The following RPH3A variants were observed in gnomAD, a reference collection of about 807,000 sequenced individuals.
The protein encoded by RPH3A is rabphilin-3A.
Under a neutral mutation model 102.2 loss-of-function variants are expected in RPH3A, and 48 were observed. The observed-to-expected ratio is 0.47, with a 90% CI of 0.37 to 0.60. The LOEUF is 0.60. Among genes scored for constraint, RPH3A ranks in the 20% least tolerant of loss-of-function variants. RPH3A has a pLI of 0.00. For synonymous variants in RPH3A, 310 were observed against 324.3 expected (o/e 0.96, Z 0.47); for missense variants, 781 against 910.1 (o/e 0.86, Z 1.83).
At chr12:112,601,627 A>G (rs2039560305) in intron 1 of RPH3A, among the ~76,000 whole-genome samples, 1 of 152,214 alleles carries the variant, frequency 6.6e-6, no homozygotes, top group Admixed American at 6.5e-5. Context: ...AGGGATAAAC[A>G]TTATACAAGT....
chr12:112,594,877 G>C (rs1291230239), intron 1 of RPH3A, among the ~76,000 whole-genome samples: 1 of 152,182 alleles, frequency 6.6e-6, no homozygotes, highest in South Asian at 2.1e-4. Context: ...TATATTCCAG[G>C]CATTGTGTTC....
At chr12:112,724,850 TC>T (rs902886512) in intron 1 of RPH3A, among the ~76,000 whole-genome samples, 19 of 152,070 alleles carry the variant, frequency 1.2e-4, no homozygotes, top group Non-Finnish European at 1.5e-5. Flanking sequence ...ACGCCTGTAG[TC>T]CCAGCTACTA....
chr12:112,646,250 T>C (rs2039929391), intron 1 of RPH3A, among the ~76,000 whole-genome samples: 1 of 152,206 alleles, frequency 6.6e-6, no homozygotes, highest in Non-Finnish European at 1.5e-5. Context: ...ATTAATTCAG[T>C]GCCTTGACAA....
chr12:112,856,183 C>A (rs1050408393), intron 5 of RPH3A, among the ~76,000 whole-genome samples: 1 of 152,210 alleles, frequency 6.6e-6, no homozygotes, highest in Non-Finnish European at 1.5e-5. Flanking sequence ...CTGCTGCACA[C>A]CACATGAAGC....
At chr12:112,851,623 G>A (rs2042324359) in intron 5 of RPH3A, among the ~76,000 whole-genome samples, 1 of 152,144 alleles carries the variant, frequency 6.6e-6, no homozygotes, top group Non-Finnish European at 1.5e-5. Flanking sequence ...GGAGCCCCAG[G>A]CCATGCGCAG....
chr12:112,897,658 C>G lies in RPH3A; in HGVS notation c.*878C>G, dbSNP rs1036845165. 2 of 152,470 alleles carry G rather than the reference C, an allele frequency of 1.3e-5. No homozygotes were observed. The highest frequency in any genetic ancestry group is 4.8e-5 in the African/African-American group (2 of 41,462). The allele number at this position is 152,470 out of a possible 1,614,324, so 9.4% of individuals were successfully genotyped here. On this transcript the variant is annotated 3_prime_UTR_variant, in exon 22 of 22. Coordinates refer to ENST00000389385, the MANE Select transcript of RPH3A (RefSeq NM_001143854.2). ...GTGTATGTTAACCTAGCCTCACCCCCTTGCTCTCACCAGCCTGACCAGGAA... is the reference window on the plus strand; with the variant it reads ...GTGTATGTTAACCTAGCCTCACCCCGTTGCTCTCACCAGCCTGACCAGGAA...
At chr12:112,895,058 A>G (rs866222182) in intron 20 of RPH3A, among the ~76,000 whole-genome samples, 1 of 152,178 alleles carries the variant, frequency 6.6e-6, no homozygotes, top group Non-Finnish European at 1.5e-5. Context: ...TTTAAAAATC[A>G]GATTGTCTGG....
At chr12:112,681,513 G>A (rs1566256746) in intron 1 of RPH3A, among the ~76,000 whole-genome samples, 1 of 152,204 alleles carries the variant, frequency 6.6e-6, no homozygotes, top group African/African-American at 2.4e-5. Context: ...GACTGGCTGT[G>A]TTTCTACTGT....
intron 1 of RPH3A, among the ~76,000 whole-genome samples, chr12:112,785,571 A>G (rs913768087): frequency 3.9e-5 from 6 of 152,194 alleles, no homozygotes; most frequent in African/African-American, 1.4e-4. Context: ...GATAATGAAT[A>G]AAGATGACAG....
In RPH3A at chr12:112,875,748, A is replaced by G. The variant is rs778375645; in HGVS notation, c.946+7A>G. On this transcript the variant is annotated splice_region_variant and intron_variant, in intron 12 of 21. Transcript: ENST00000389385. ...TTTCCAGATCAGAAGCCAGGCAAGT[A>G]TCTGCTTCCTCCCATGCCTGCCCAA... 3 of 1,613,516 alleles carry G rather than the reference A, an allele frequency of 1.9e-6. No individual in the cohort carries two copies. Among genetic ancestry groups the G allele is most frequent in the East Asian group, 4.5e-5 (2 of 44,836 alleles).
chr12:112,599,297 A>G (rs1333070580), intron 1 of RPH3A, among the ~76,000 whole-genome samples: 1 of 152,234 alleles, frequency 6.6e-6, no homozygotes, highest in Non-Finnish European at 1.5e-5. Flanking sequence ...TTTGCATCCT[A>G]GAAAGAAGTT....
chr12:112,827,795 G>A (rs2041904280), intron 2 of RPH3A, among the ~76,000 whole-genome samples: 1 of 151,932 alleles, frequency 6.6e-6, no homozygotes, highest in Admixed American at 6.6e-5. Context: ...AATACCTAAT[G>A]TAGATGATGG....
At chr12:112,684,416 G>A (rs1004490881) in intron 1 of RPH3A, among the ~76,000 whole-genome samples, 2 of 151,780 alleles carry the variant, frequency 1.3e-5, no homozygotes, top group Non-Finnish European at 2.9e-5. Context: ...CTGCTACCAT[G>A]CACAGCCAAT....
intron 2 of RPH3A, among the ~76,000 whole-genome samples, chr12:112,821,265 CCAACAGCCTGGAAAATAGT>C (rs1333823859): frequency 6.6e-6 from 1 of 152,148 alleles, no homozygotes; most frequent in East Asian, 1.9e-4. Context: ...TGTAGAAATC[CCAACAGCCTGGAAAATAGT>C]CAACTCTGGA....
intron 2 of RPH3A, among the ~76,000 whole-genome samples, chr12:112,822,582 G>A (rs1426493314): frequency 6.6e-6 from 1 of 151,950 alleles, no homozygotes; most frequent in Non-Finnish European, 1.5e-5. Flanking sequence ...CTGGAATCTG[G>A]GTTACCTGGG....
chr12:112,756,232 A>G (rs1271078398), intron 1 of RPH3A, among the ~76,000 whole-genome samples: 1 of 149,762 alleles, frequency 6.7e-6, no homozygotes, highest in Non-Finnish European at 1.5e-5. Flanking sequence ...TTTTTTTTTG[A>G]GATGGAGTTT....
intron 1 of RPH3A, among the ~76,000 whole-genome samples, chr12:112,605,219 A>G (rs1219421135): frequency 2.0e-5 from 3 of 152,130 alleles, no homozygotes; most frequent in Non-Finnish European, 4.4e-5. Context: ...TACCAAAAAT[A>G]CAAACATTAG....
At chr12:112,735,967 T>C (rs1488116665) in intron 1 of RPH3A, among the ~76,000 whole-genome samples, 1 of 152,244 alleles carries the variant, frequency 6.6e-6, no homozygotes, top group Non-Finnish European at 1.5e-5. Context: ...AGACATGTTC[T>C]CTAAACGTGC....
At chr12:112,665,936 T>C (rs1296129496) in intron 1 of RPH3A, among the ~76,000 whole-genome samples, 1 of 152,204 alleles carries the variant, frequency 6.6e-6, no homozygotes, top group African/African-American at 2.4e-5. Flanking sequence ...AAAGCCTTCC[T>C]GAGCCATGTA....
Sources: allele counts gnomAD v4.1 joint callset (sites outside exome capture counted in the v4.1 genomes callset), GRCh38; gene constraint gnomAD v4.1.1; transcripts MANE v1.5; gene names NCBI Gene and HGNC (gene_info 2026-07-23, HGNC 2026-07-21).